Variants in RBP5 observed in about 807,000 individuals in gnomAD.
The protein encoded by RBP5 is retinol binding protein 5.
A neutral mutation model predicts 17.8 loss-of-function variants in RBP5; 12 were observed. The ratio of observed to expected loss-of-function variants is 0.67; its 90% CI spans 0.43 to 1.09. The LOEUF is 1.09. Ranked by LOEUF, RBP5 falls within the 50% of genes least tolerant of loss-of-function variation. RBP5 has a pLI of 0.00. For missense variants in RBP5, 172 were observed against 169.4 expected (o/e 1.02, Z -0.09); for synonymous variants, 64 against 68.1 (o/e 0.94, Z 0.30).
chr12:7,125,288 A>C (rs1939142856), intron 2 of RBP5, among the ~76,000 whole-genome samples: 1 of 152,194 alleles, frequency 6.6e-6, no homozygotes, highest in Non-Finnish European at 1.5e-5. Flanking sequence ...TAGCAGGATA[A>C]GTAGAGGTGA....
rs765404184 is a variant in RBP5 at position 7,128,704 on chromosome 12, T to C, written c.72A>G (p.Leu24=). ...QKNMEDYLQA[L]NISLAVRKIA... ...GGTCTGGGAGGGCGAGGCCATTACT[T>C]AGGGCTTGCAGGTAGTCCTCCATGT... Residue 24 remains leucine, a splice_region_variant and synonymous_variant, in exon 1 of 4, where the codon CTA becomes CTG. Coordinates refer to ENST00000266560, the MANE Select transcript of RBP5 (RefSeq NM_031491.4). This position sits in a 1 kb window ranked among gnomAD's most constrained non-coding sequence, Gnocchi z 5.3. 6.9e-6 allele frequency: 11 copies of C among 1,598,520 alleles called. No individual in the cohort carries two copies. The South Asian group carries it at 1.2e-4, about 18-fold the overall frequency.
intron 2 of RBP5, among the ~76,000 whole-genome samples, chr12:7,126,955 G>A (rs1046330396): frequency 4.0e-5 from 6 of 149,308 alleles, no homozygotes; most frequent in Non-Finnish European, 5.9e-5. Flanking sequence ...ACAGGCATGC[G>A]CCACCATGCC....
At position 7,125,051 on chromosome 12, in the gene RBP5, C is replaced by T. The variant is rs1265485740; in HGVS notation, c.253-321G>A. On this transcript the variant is annotated intron_variant, in intron 2 of 3. Transcript: ENST00000266560. ...CTACCAGAGTAGCTGGGATTACAGG[C>T]GTGCACCAACATACCGGGTTAATTT... is the stretch of plus-strand genomic sequence containing the variant. Among the ~76,000 whole-genome samples, 7 of 152,230 alleles carry T rather than the reference C, an allele frequency of 4.6e-5. No individual in the cohort carries two copies. In the East Asian group the frequency reaches 5.8e-4, roughly 13 times the overall value.
rs1939118216 is a variant in RBP5 at position 7,123,986 on chromosome 12, G to A, written c.*135C>T. On this transcript the variant is annotated 3_prime_UTR_variant, in exon 4 of 4. Transcript: ENST00000266560. ...AAGTTACAGATTAACACGGGGAGGG[G>A]TGAGGAGGGACCCAGAGGGAGGAAA... 3.8e-6 allele frequency: 3 copies of A among 791,036 alleles called. No homozygotes were observed. Among genetic ancestry groups the A allele is most frequent in the Non-Finnish European group, 6.6e-6 (3 of 454,036 alleles). The allele number at this position is 791,036 out of a possible 1,614,324, so 49.0% of individuals were successfully genotyped here.
chr12:7,124,212 G>A lies in RBP5; in HGVS notation c.355-38C>T, dbSNP rs1939122854. 1 of 1,605,666 alleles carries A rather than the reference G, an allele frequency of 6.2e-7. No homozygotes were observed. The highest frequency in any genetic ancestry group is 1.3e-5 in the African/African-American group (1 of 74,758). On this transcript the variant is annotated intron_variant, in intron 3 of 3. Coordinates refer to ENST00000266560, the MANE Select transcript of RBP5 (RefSeq NM_031491.4). This position sits in a 1 kb window ranked among gnomAD's most constrained non-coding sequence, Gnocchi z 5.3. Reference sequence around the variant, plus strand: ...GGGAAGTGAGGGGGAGAGAGAAAGAGGGCGTTTGCCAGCCAGAGCCCCTTT... The same window carrying A: ...GGGAAGTGAGGGGGAGAGAGAAAGAAGGCGTTTGCCAGCCAGAGCCCCTTT...
At chr12:7,121,505 G>A (rs1303651042), downstream of RBP5, among the ~76,000 whole-genome samples, 3 of 152,196 alleles carry the variant, frequency 2.0e-5, no homozygotes, top group Non-Finnish European at 4.4e-5. Context: ...GGAGGCCGAG[G>A]GGAGAGGTGG....
Position 7,124,059 on chromosome 12 carries a change from G to A in RBP5, c.*62C>T. Reference sequence around the variant, plus strand: ...TGACCTGGCACAATCTGGGCTTGAAGGGGGCACAACAAGAGCGTCTGTGAG... The same window carrying A: ...TGACCTGGCACAATCTGGGCTTGAAAGGGGCACAACAAGAGCGTCTGTGAG... On this transcript the variant is annotated 3_prime_UTR_variant, in exon 4 of 4. Coordinates refer to ENST00000266560, the MANE Select transcript of RBP5 (RefSeq NM_031491.4). The surrounding 1 kb of genome is among the most constrained non-coding windows in gnomAD (Gnocchi z 5.3). The A allele has an allele frequency of 1.3e-6, 2 of 1,520,810 alleles. No homozygotes were observed. Among genetic ancestry groups the A allele is most frequent in the Non-Finnish European group, 1.8e-6 (2 of 1,095,238 alleles). 94.2% of individuals were successfully genotyped at this position (1,520,810 alleles called of 1,614,324 possible).
chr12:7,129,142 A>G (rs915263484), upstream of RBP5: 5 of 312,004 alleles, frequency 1.6e-5, no homozygotes, highest in African/African-American at 8.6e-5. This position sits in a 1 kb window ranked among gnomAD's most constrained non-coding sequence, Gnocchi z 5.5. Context: ...CAGCCATCCA[A>G]AGGTCAGTGT....
Position 7,128,374 on chromosome 12 carries a change from C to T in RBP5, c.118G>A (p.Asp40Asn), listed in dbSNP as rs1200952990. The T allele has an allele frequency of 1.9e-6, 3 of 1,614,220 alleles. No homozygotes were observed. The highest frequency in any genetic ancestry group is 2.5e-6 in the Non-Finnish European group (3 of 1,180,036). ...TTGCCCTGGTGTTCGATCTCCTTGT[C>T]CGGCTTCAGCAGCAGCGCGATCTTC... is the stretch of plus-strand genomic sequence containing the variant. The part of the protein sequence containing the change: ...VRKIALLLKP[D>N]KEIEHQGNHM... Residue 40 changes from aspartate (D) to asparagine (N), a missense_variant, in exon 2 of 4, where the codon GAC (aspartate) becomes AAC (asparagine). By Grantham distance (23) the Asp-to-Asn change is conservative (BLOSUM62 1). Transcript: ENST00000266560. This position sits in a 1 kb window ranked among gnomAD's most constrained non-coding sequence, Gnocchi z 5.3.
chr12:7,128,112 C>T lies in RBP5; in HGVS notation c.252+128G>A. On this transcript the variant is annotated intron_variant, in intron 2 of 3. Coordinates refer to ENST00000266560, the MANE Select transcript of RBP5 (RefSeq NM_031491.4). The surrounding 1 kb of genome is among the most constrained non-coding windows in gnomAD (Gnocchi z 5.3). ...ACTGGTATCCTGGGGACTGCATTCC[C>T]TGCTGTGGTGACCATTCCCCTCCTC... is the stretch of plus-strand genomic sequence containing the variant. 1.3e-6 allele frequency: 1 copy of T among 773,164 alleles called. No individual in the cohort carries two copies. The highest frequency in any genetic ancestry group is 2.7e-5 in the East Asian group (1 of 36,904). 47.9% of individuals were successfully genotyped at this position (773,164 alleles called of 1,614,324 possible).
chr12:7,129,157 C>CCTG, upstream of RBP5: 1 of 298,216 alleles, frequency 3.4e-6, no homozygotes, highest in Non-Finnish European at 6.7e-6. This position sits in a 1 kb window ranked among gnomAD's most constrained non-coding sequence, Gnocchi z 5.5. Flanking sequence ...CAGTGTTGGC[C>CCTG]TCCACCTCAT....
Position 7,128,228 on chromosome 12 carries a change from G to A in RBP5, c.252+12C>T, listed in dbSNP as rs1939207303. On this transcript the variant is annotated intron_variant, in intron 2 of 3. Coordinates refer to ENST00000266560, the MANE Select transcript of RBP5 (RefSeq NM_031491.4). The surrounding 1 kb of genome is among the most constrained non-coding windows in gnomAD (Gnocchi z 5.3). ...CCTCCTTCCGGCCACCGCCCAGCCA[G>A]GGGAAATGTACCTGGCATTTTCGTC... 1.2e-6 allele frequency: 2 copies of A among 1,601,576 alleles called. No homozygotes were observed. The highest frequency in any genetic ancestry group is 1.7e-5 in the Admixed American group (1 of 59,180).
rs539377378 is a variant in RBP5 at position 7,124,908 on chromosome 12, GT to G, written c.253-179del. Among the ~76,000 whole-genome samples, 3 of 152,034 alleles carry G rather than the reference GT, an allele frequency of 2.0e-5. No individual in the cohort carries two copies. The highest frequency in any genetic ancestry group is 2.0e-4 in the Admixed American group (3 of 15,246). ...GGACTCCCTTTCCACCCTACTCTTT[GT>G]TTTTTGTGTTTTTTTGAGACAAGTT... is the stretch of plus-strand genomic sequence containing the variant. On this transcript the variant is annotated intron_variant, in intron 2 of 3. Transcript: ENST00000266560. This position sits in a 1 kb window ranked among gnomAD's most constrained non-coding sequence, Gnocchi z 5.3.
chr12:7,127,711 G>A (rs1939197856), intron 2 of RBP5: 1 of 702,364 alleles, frequency 1.4e-6, no homozygotes, highest in South Asian at 1.5e-5. Context: ...GCCAAGGGCA[G>A]CCTATAGATG....
At chr12:7,120,588 C>T (rs910664039), downstream of RBP5, 62 of 155,646 alleles carry the variant, frequency 4.0e-4, no homozygotes, top group African/African-American at 1.5e-3. Flanking sequence ...CGATTCTCAT[C>T]TGCCCATAAT....
At chr12:7,120,163 G>T (rs952202053), downstream of RBP5, among the ~76,000 whole-genome samples, 1 of 152,102 alleles carries the variant, frequency 6.6e-6, no homozygotes, top group Non-Finnish European at 1.5e-5. Context: ...CCAGCTAGAT[G>T]GTGGGTCAAG....
In RBP5 at chr12:7,124,645, C is replaced by T. The variant is rs1939129848; in HGVS notation, c.338G>A (p.Gly113Glu). ...CCCATTTACCAGATACAGCATCTCT[C>T]CCTCCAGCCAGTGTCTCCAGCCCCG... ...PNRGWRHWLE[G>E]EMLYLELTAR... The change falls in exon 3 of 4, where the codon GGA (glycine) becomes GAA (glutamate). Residue 113 changes from glycine (G) to glutamate (E), a missense_variant. Gly to Glu is a moderately conservative substitution (Grantham distance 98). Transcript: ENST00000266560. The surrounding 1 kb of genome is among the most constrained non-coding windows in gnomAD (Gnocchi z 5.3). The T allele has an allele frequency of 6.4e-7, 1 of 1,563,072 alleles. No homozygotes were observed. Among genetic ancestry groups the T allele is most frequent in the South Asian group, 1.1e-5 (1 of 90,052 alleles).
chr12:7,127,502 T>C, intron 2 of RBP5: 3 of 604,558 alleles, frequency 5.0e-6, no homozygotes, highest in Non-Finnish European at 5.9e-6. Context: ...CTGTAAATAG[T>C]TGCTATACTG....
chr12:7,129,714 T>A, upstream of RBP5: 4 of 985,510 alleles, frequency 4.1e-6, no homozygotes, highest in Non-Finnish European at 4.8e-6. The surrounding 1 kb of genome is among the most constrained non-coding windows in gnomAD (Gnocchi z 5.5). Context: ...CTCTCGAACC[T>A]GCCATCGTCC....
Sources: allele counts gnomAD v4.1 joint callset (sites outside exome capture counted in the v4.1 genomes callset), GRCh38; gene constraint gnomAD v4.1.1; non-coding constraint Gnocchi (gnomAD v3.1); transcripts MANE v1.5; gene names NCBI Gene and HGNC (gene_info 2026-07-23, HGNC 2026-07-21).